RIOX2: variants seen among roughly 807,000 people sequenced by gnomAD.
The protein encoded by RIOX2 is ribosomal oxygenase 2.
A neutral mutation model predicts 51.2 loss-of-function variants in RIOX2; 43 were observed. That is an observed-to-expected ratio of 0.84 (90% CI 0.66 to 1.08). RIOX2 has a LOEUF of 1.08. Among genes scored for constraint, RIOX2 ranks in the 50% least tolerant of loss-of-function variants. The pLI is 0.00. For missense variants in RIOX2, 566 were observed against 561.7 expected, an observed-to-expected ratio of 1.01 and a Z score of -0.08; for synonymous variants, 226 against 218.5, an observed-to-expected ratio of 1.03 and a Z score of -0.30.
At chr3:97,945,742 C>A in intron 9 of RIOX2, 56 bp downstream of exon 9, 1 of 1,326,578 alleles carries the variant, frequency 7.5e-7, no homozygotes, top group Non-Finnish European at 1.1e-6. Flanking sequence ...ATAATCAATT[C>A]TTCCCAACCA....
At chr3:97,954,058 T>TA (rs769458976) in intron 5 of RIOX2, 85 of 215,010 alleles carry the variant, frequency 4.0e-4, no homozygotes, top group Middle Eastern at 1.8e-3. Context: ...TTTATCATAT[T>TA]AAAAAAAAAG....
chr3:97,952,324 C>T, intron 5 of RIOX2: 1 of 954,882 alleles, frequency 1.0e-6, no homozygotes, highest in Non-Finnish European at 1.5e-6. Flanking sequence ...CCTAAGCAGG[C>T]AACTTCTGTA....
chr3:97,954,365 C>G, intron 5 of RIOX2, 27 bp downstream of exon 5: 1 of 1,542,066 alleles, frequency 6.5e-7, no homozygotes, highest in Non-Finnish European at 9.0e-7. Flanking sequence ...GCTGTCCTAG[C>G]ATGTGCAGCT....
rs145801462 is a variant in RIOX2 at position 97,949,859 on chromosome 3, C to G, written c.1045G>C (p.Glu349Gln). The change falls in exon 7 of 10, where the codon GAG (glutamate) becomes CAG (glutamine). Residue 349 changes from glutamate (E) to glutamine (Q), a missense_variant. Glu to Gln is a conservative substitution (Grantham distance 29). Coordinates refer to ENST00000394198, the MANE Select transcript of RIOX2 (RefSeq NM_153182.4). ...LPPYSAGDGA[E>Q]LSTPGGKLPR... ...CAAGCTCCACCTGGTGTTGACAGCTCTGCCCCATCTCCCGCAGAGTAAGGG... is the reference window on the plus strand; with the variant it reads ...CAAGCTCCACCTGGTGTTGACAGCTGTGCCCCATCTCCCGCAGAGTAAGGG... 6.2e-7 allele frequency: 1 copy of G among 1,613,666 alleles called. No individual in the cohort carries two copies. Among genetic ancestry groups the G allele is most frequent in the Admixed American group, 1.7e-5 (1 of 59,998 alleles).
Position 97,942,629 on chromosome 3 carries a change from A to C in RIOX2, c.*2555T>G, listed in dbSNP as rs1439320730. On this transcript the variant is annotated 3_prime_UTR_variant, in exon 10 of 10. Transcript: ENST00000394198. ...AATTAGCAGAAAAAGCCAAACAACA[A>C]AGCTTAGGGTTTTTGTTCATTAGTA... The C allele has an allele frequency of 3.7e-5, 20 of 536,568 alleles. No individual in the cohort carries two copies. Among genetic ancestry groups the C allele is most frequent in the South Asian group, 1.3e-4 (4 of 30,158 alleles). 33.2% of individuals were successfully genotyped at this position (536,568 alleles called of 1,614,324 possible).
intron 2 of RIOX2, among the ~76,000 whole-genome samples, chr3:97,965,072 G>A (rs952172124): frequency 3.3e-5 from 5 of 152,010 alleles, no homozygotes; most frequent in Admixed American, 2.0e-4. Context: ...CTGTTCTGAC[G>A]TTAATATGCC....
chr3:97,943,524 A>AATATT lies in RIOX2; in HGVS notation c.*1655_*1659dup. ...CATTACTCAGTGTTCCTATAAAGAA[A>AATATT]ATATTATGATATCTTGGAAAGGTTC... is the stretch of plus-strand genomic sequence containing the variant. On this transcript the variant is annotated 3_prime_UTR_variant, in exon 10 of 10. Coordinates refer to ENST00000394198, the MANE Select transcript of RIOX2 (RefSeq NM_153182.4). The AATATT allele has an allele frequency of 2.0e-6, 1 of 509,640 alleles. No homozygotes were observed. The highest frequency in any genetic ancestry group is 3.4e-6 in the Non-Finnish European group (1 of 293,544). 31.6% of individuals were successfully genotyped at this position (509,640 alleles called of 1,614,324 possible).
chr3:97,947,717 A>G (rs1477700899), intron 7 of RIOX2, among the ~76,000 whole-genome samples: 2 of 152,156 alleles, frequency 1.3e-5, no homozygotes, highest in Admixed American at 6.5e-5. Context: ...AAATAATACC[A>G]TCGAAGTACA....
intron 1 of RIOX2, chr3:97,971,490 T>C (rs1459064222): frequency 1.3e-5 from 2 of 152,214 alleles, no homozygotes; most frequent in Non-Finnish European, 2.9e-5. Context: ...CTCAGAGATA[T>C]GTTAATCAAT....
chr3:97,959,279 T>A (rs1048152019), intron 3 of RIOX2, 100 bp from the exon 4 acceptor site: 1 of 931,674 alleles, frequency 1.1e-6, no homozygotes, highest in Non-Finnish European at 1.5e-6. Context: ...AATAGACAAA[T>A]ATATAGGTGA....
chr3:97,962,622 A>T (rs901157314), intron 2 of RIOX2, among the ~76,000 whole-genome samples: 1 of 152,168 alleles, frequency 6.6e-6, no homozygotes, highest in East Asian at 1.9e-4. Context: ...AGGAGAGAGA[A>T]GGAAGTCTGA....
chr3:97,953,312 A>G (rs1705317412), intron 5 of RIOX2, among the ~76,000 whole-genome samples: 1 of 152,138 alleles, frequency 6.6e-6, no homozygotes, highest in East Asian at 1.9e-4. Context: ...CTTCGATAAA[A>G]TCCTTGAATT....
At chr3:97,956,151 C>G (rs945531542) in intron 4 of RIOX2, among the ~76,000 whole-genome samples, 2 of 152,198 alleles carry the variant, frequency 1.3e-5, no homozygotes, top group African/African-American at 4.8e-5. Flanking sequence ...ACAATGGCTA[C>G]AATAACACTA....
At chr3:97,956,288 C>T (rs890061284) in intron 4 of RIOX2, among the ~76,000 whole-genome samples, 2 of 152,190 alleles carry the variant, frequency 1.3e-5, no homozygotes, top group Admixed American at 1.3e-4. Context: ...ATTTGCCCCA[C>T]CCTCCTGGCT....
In RIOX2 at chr3:97,943,235, A is replaced by G. The variant is rs1191800529; in HGVS notation, c.*1949T>C. ...GGAATTTCTATTTTAGGAGGAAATT[A>G]TTGTGACAAGACTCATGTAATTGTA... On this transcript the variant is annotated 3_prime_UTR_variant, in exon 10 of 10. Coordinates refer to ENST00000394198, the MANE Select transcript of RIOX2 (RefSeq NM_153182.4). 6.4e-7 allele frequency: 1 copy of G among 1,565,060 alleles called. No homozygotes were observed. The highest frequency in any genetic ancestry group is 1.7e-5 in the Admixed American group (1 of 57,162).
chr3:97,958,905 T>G, intron 4 of RIOX2, 146 bp downstream of exon 4: 2 of 812,688 alleles, frequency 2.5e-6, no homozygotes, highest in Non-Finnish European at 3.6e-6. Flanking sequence ...CTGACAGCAA[T>G]GAGAAGCACC....
Position 97,943,157 on chromosome 3 carries a change from G to T in RIOX2, c.*2027C>A. The T allele has an allele frequency of 1.2e-6, 1 of 840,092 alleles. No homozygotes were observed. Among genetic ancestry groups the T allele is most frequent in the Non-Finnish European group, 2.0e-6 (1 of 510,026 alleles). The allele number at this position is 840,092 out of a possible 1,614,324, so 52.0% of individuals were successfully genotyped here. A position where few individuals can be genotyped will look rare whatever the true frequency, so the allele number is the denominator to read the frequency against. On this transcript the variant is annotated 3_prime_UTR_variant, in exon 10 of 10. Coordinates refer to ENST00000394198, the MANE Select transcript of RIOX2 (RefSeq NM_153182.4). ...GAAATGGTGAGCTGAACAGAAGCTT[G>T]TGAAAATTGTGAAATTGCTAAGCAC...
At chr3:97,953,995 G>A in intron 5 of RIOX2, 2 of 168,850 alleles carry the variant, frequency 1.2e-5, no homozygotes, top group Non-Finnish European at 2.6e-5. Context: ...TGTAATTAAT[G>A]TCAAACTATG....
chr3:97,952,581 T>G (rs539631791), intron 5 of RIOX2, among the ~76,000 whole-genome samples: 3 of 152,034 alleles, frequency 2.0e-5, no homozygotes, highest in Non-Finnish European at 1.5e-5. Flanking sequence ...AGAAAACCAG[T>G]TGGTAGCAGC....
Sources: allele counts gnomAD v4.1 joint callset (sites outside exome capture counted in the v4.1 genomes callset), GRCh38; gene constraint gnomAD v4.1.1; transcripts MANE v1.5; gene names NCBI Gene and HGNC (gene_info 2026-07-23, HGNC 2026-07-21).